Variants in CFAP92 observed in about 807,000 individuals in gnomAD.
The protein encoded by CFAP92 is uncharacterized protein CFAP92.
CFAP92 carries 86 observed loss-of-function variants against 106.3 expected under a neutral mutation model. The observed-to-expected ratio is 0.81, with a 90% confidence interval of 0.68 to 0.97. The LOEUF is 0.97. CFAP92 is among the 50% of genes least tolerant of loss of function. The pLI, the probability that CFAP92 is intolerant of heterozygous loss-of-function variation, is 0.00. For missense variants in CFAP92, 1,204 were observed against 1,283.8 expected (o/e 0.94, Z 0.95); for synonymous variants, 477 against 506.4 (o/e 0.94, Z 0.78).
rs1162959833 is a variant in CFAP92, at chr3:128,935,166, C to G, written c.2412G>C (p.Leu804=). ...ELLLQQAVFF[L]RDTERRRVFQ... The stretch of plus-strand genomic sequence containing the variant: ...AGACCCGCCTCCGCTCAGTGTCTCG[C>G]AGGAAGAACACCGCCTGCTGCAGCA... Residue 804 remains leucine (L), a synonymous_variant, in exon 11 of 16, where the codon CTG becomes CTC. Coordinates refer to ENST00000645291, the MANE Select transcript of CFAP92 (RefSeq NM_001394090.1). The G allele has an allele frequency of 1.3e-6, 2 of 1,535,292 alleles. No homozygotes were observed. Among genetic ancestry groups the G allele is most frequent in the Non-Finnish European group, 1.7e-6 (2 of 1,146,428 alleles).
chr3:129,026,147 GA>G, the CFAP92 span, among the ~76,000 whole-genome samples: 1 of 152,244 alleles, frequency 6.6e-6, no homozygotes, highest in African/African-American at 2.4e-5. Flanking sequence ...AGAACATTCT[GA>G]AGGGTTTAGT....
chr3:128,985,310 A>C (rs1051148516), intron 4 of CFAP92, among the ~76,000 whole-genome samples: 2 of 152,146 alleles, frequency 1.3e-5, no homozygotes, highest in African/African-American at 4.8e-5. Flanking sequence ...GATAAAATTT[A>C]AAAAGTAGCC....
intron 12 of CFAP92, among the ~76,000 whole-genome samples, chr3:128,927,417 A>G (rs960914649): frequency 3.9e-5 from 6 of 152,112 alleles, no homozygotes; most frequent in African/African-American, 9.7e-5. Flanking sequence ...TACAAGATCA[A>G]TGGACAAAAA....
upstream of CFAP92, among the ~76,000 whole-genome samples, chr3:128,994,745 C>T (rs1300124314): frequency 1.3e-5 from 2 of 152,190 alleles, no homozygotes; most frequent in African/African-American, 4.8e-5. Flanking sequence ...AAGCTGAGAG[C>T]CCTGGCTGCG....
the CFAP92 span, among the ~76,000 whole-genome samples, chr3:129,008,303 A>C: frequency 6.6e-6 from 1 of 152,228 alleles, no homozygotes; most frequent in Non-Finnish European, 1.5e-5. Context: ...GTAACTCACT[A>C]TGCAAGGTCT....
intron 8 of CFAP92, 193 bp downstream of exon 8, chr3:128,971,094 G>C: frequency 1.3e-6 from 1 of 754,594 alleles, no homozygotes; most frequent in Non-Finnish European, 2.1e-6. Context: ...TGTGATCTCA[G>C]GCAAGGTAGC....
intron 12 of CFAP92, 40 bp downstream of exon 12, chr3:128,932,660 G>A: frequency 6.6e-7 from 1 of 1,506,754 alleles, no homozygotes; most frequent in Non-Finnish European, 8.8e-7. Flanking sequence ...CCGCCCAGGT[G>A]AGGCCTGGGA....
intron 9 of CFAP92, among the ~76,000 whole-genome samples, chr3:128,964,335 T>C (rs886231957): frequency 4.6e-5 from 7 of 151,336 alleles, no homozygotes; most frequent in Admixed American, 4.6e-4. Context: ...TCCTTTTTAT[T>C]AGGCCCCAGT....
At chr3:128,915,946 G>T in intron 13 of CFAP92, 161 bp downstream of exon 13, 1 of 468,196 alleles carries the variant, frequency 2.1e-6, no homozygotes, top group Non-Finnish European at 3.5e-6. Context: ...CATTTAGTGT[G>T]GAACAGAACA....
chr3:128,999,531 C>CT (rs5852556), intron 1 of CFAP92, among the ~76,000 whole-genome samples: 5,689 of 71,634 alleles, frequency 0.079, 636 homozygotes, highest in African/African-American at 0.19. Flanking sequence ...AAATCAGGTT[C>CT]TTTTTTTTTT....
chr3:128,953,401 G>C (rs1180721706), intron 9 of CFAP92, among the ~76,000 whole-genome samples: 1 of 151,918 alleles, frequency 6.6e-6, no homozygotes, highest in Non-Finnish European at 1.5e-5. Context: ...TGTAGTCCCA[G>C]CTACTCAGGA....
chr3:129,018,788 G>C, the CFAP92 span, among the ~76,000 whole-genome samples: 1 of 152,188 alleles, frequency 6.6e-6, no homozygotes, highest in African/African-American at 2.4e-5. Context: ...ATGTGTTCTT[G>C]CGAAGTGAGT....
At chr3:129,012,594 C>T in the CFAP92 span, among the ~76,000 whole-genome samples, 728 of 152,300 alleles carry the variant, frequency 4.8e-3, 6 homozygotes, top group African/African-American at 0.017. Context: ...GGGTCACAGC[C>T]CCACCTCCAG....
the CFAP92 span, among the ~76,000 whole-genome samples, chr3:129,024,048 C>A: frequency 6.6e-6 from 1 of 152,228 alleles, no homozygotes; most frequent in South Asian, 2.1e-4. Context: ...AAATCCCATT[C>A]ATTCATTTGA....
intron 12 of CFAP92, among the ~76,000 whole-genome samples, chr3:128,925,848 C>A (rs1937607829): frequency 6.6e-6 from 1 of 152,196 alleles, no homozygotes; most frequent in Non-Finnish European, 1.5e-5. Context: ...AGACTGGCAG[C>A]TGACCAACAG....
intron 4 of CFAP92, among the ~76,000 whole-genome samples, chr3:128,978,537 G>C (rs1403852009): frequency 1.3e-5 from 2 of 152,146 alleles, no homozygotes; most frequent in Non-Finnish European, 2.9e-5. Context: ...AAGCTGCAGG[G>C]AGCTGTGACT....
intron 6 of CFAP92, 67 bp downstream of exon 6, chr3:128,976,912 G>T: frequency 1.6e-6 from 2 of 1,255,858 alleles, no homozygotes; most frequent in South Asian, 2.4e-5. Context: ...AACCTACCAC[G>T]ACTCATAGTA....
chr3:128,940,851 C>A (rs1939551204), intron 10 of CFAP92, among the ~76,000 whole-genome samples: 1 of 151,698 alleles, frequency 6.6e-6, no homozygotes, highest in Non-Finnish European at 1.5e-5. Context: ...TTTAAAATTC[C>A]AACAGCTTTT....
intron 2 of CFAP92, chr3:128,991,887 GTAC>G: frequency 1.0e-6 from 1 of 986,676 alleles, no homozygotes; most frequent in Non-Finnish European, 1.2e-6. Context: ...AAGATGTGAA[GTAC>G]TACTTGTCTC....
Sources: gnomAD v4.1 joint callset for allele counts (sites outside exome capture counted in the v4.1 genomes callset) on GRCh38, gnomAD v4.1.1 for gene constraint, MANE v1.5 for transcripts, NCBI Gene and HGNC (gene_info 2026-07-23, HGNC 2026-07-21) for gene names.